CDH12: variants seen among roughly 807,000 people sequenced by gnomAD.
CDH12 encodes the protein cadherin-12.
A neutral mutation model predicts 74.1 loss-of-function variants in CDH12; 41 were observed. The observed-to-expected ratio is 0.55, with a 90% CI of 0.43 to 0.72. CDH12 has a LOEUF of 0.72. Ranked by LOEUF, CDH12 falls within the 30% of genes least tolerant of loss-of-function variation. CDH12 has a pLI of 0.00. For missense variants in CDH12, 945 were observed against 977.2 expected, an observed-to-expected ratio of 0.97 and a Z score of 0.44; for synonymous variants, 399 against 355.0, an observed-to-expected ratio of 1.12 and a Z score of -1.39.
In CDH12 at chr5:22,477,606, T is replaced by C. The variant is rs369594307; in HGVS notation, c.-428+27664A>G. ...ATTCCTTTTGGCATATACTCAGTAA[T>C]GGGATTGCTGGGTCAAATGGTACTT... On this transcript the variant is annotated intron_variant, in intron 2 of 14. Transcript: ENST00000382254. 4.6e-5 allele frequency among the ~76,000 whole-genome samples: 7 copies of C among 152,326 alleles called. No homozygotes were observed. The South Asian group carries it at 6.2e-4, about 14-fold the overall frequency.
intron 1 of CDH12, among the ~76,000 whole-genome samples, chr5:22,793,331 G>C (rs1420662678): frequency 6.6e-6 from 1 of 151,990 alleles, no homozygotes; most frequent in Non-Finnish European, 1.5e-5. Context: ...TTATTTTTCT[G>C]CTATACAAAT....
At chr5:22,394,111 T>A (rs1742357026) in intron 3 of CDH12, among the ~76,000 whole-genome samples, 1 of 152,160 alleles carries the variant, frequency 6.6e-6, no homozygotes, top group Admixed American at 6.6e-5. Context: ...AATTCACTGT[T>A]GGAAACGTGT....
At position 22,182,647 on chromosome 5, in the gene CDH12, C is replaced by T. The variant is rs552034266; in HGVS notation, c.-187+29851G>A. ...AAAAATAGGGAAATATTTTAGGAGGCTATATTAATAGCCCAAGATCCTGCC... is the reference window on the plus strand; with the variant it reads ...AAAAATAGGGAAATATTTTAGGAGGTTATATTAATAGCCCAAGATCCTGCC... On this transcript the variant is annotated intron_variant, in intron 4 of 14. Transcript: ENST00000382254. 7.0e-4 allele frequency among the ~76,000 whole-genome samples: 107 copies of T among 152,206 alleles called. No individual in the cohort carries two copies. In the Middle Eastern group the frequency reaches 0.017, roughly 24 times the overall value.
At chr5:22,033,030 T>G (rs1738929527) in intron 5 of CDH12, among the ~76,000 whole-genome samples, 1 of 134,584 alleles carries the variant, frequency 7.4e-6, no homozygotes, top group South Asian at 2.5e-4. Context: ...ATAAACATCT[T>G]GCTTCCAAAA....
chr5:22,714,510 G>A (rs1043404617), intron 1 of CDH12, among the ~76,000 whole-genome samples: 6 of 152,126 alleles, frequency 3.9e-5, no homozygotes, highest in Non-Finnish European at 7.4e-5. Context: ...CTGATGGCAG[G>A]TCATGAGGAG....
intron 1 of CDH12, among the ~76,000 whole-genome samples, chr5:22,608,523 T>A (rs949040041): frequency 1.3e-5 from 2 of 152,184 alleles, no homozygotes; most frequent in Admixed American, 1.3e-4. Context: ...CTTGGACTTC[T>A]GGGAAGTTAA....
intron 11 of CDH12, among the ~76,000 whole-genome samples, chr5:21,771,618 T>C (rs1452914549): frequency 1.3e-5 from 2 of 152,032 alleles, no homozygotes; most frequent in African/African-American, 4.8e-5. Context: ...CCAAGGCTCT[T>C]ATTATATAGA....
intron 3 of CDH12, among the ~76,000 whole-genome samples, chr5:22,368,885 T>G (rs570052651): frequency 6.6e-6 from 1 of 152,204 alleles, no homozygotes; most frequent in South Asian, 2.1e-4. Flanking sequence ...CGCCTGCACT[T>G]TGGGAGGCCG....
intron 7 of CDH12, among the ~76,000 whole-genome samples, chr5:21,848,320 T>C (rs1210943921): frequency 3.9e-5 from 6 of 152,178 alleles, no homozygotes; most frequent in Admixed American, 3.9e-4. Context: ...TTAAAAACAG[T>C]ATTTTAATGC....
chr5:22,371,413 T>C (rs1741284073), intron 3 of CDH12, among the ~76,000 whole-genome samples: 1 of 152,092 alleles, frequency 6.6e-6, no homozygotes. Flanking sequence ...ATACACAAAG[T>C]GAAAAAGAAA....
At chr5:22,401,805 T>C (rs1387542955) in intron 3 of CDH12, among the ~76,000 whole-genome samples, 1 of 152,070 alleles carries the variant, frequency 6.6e-6, no homozygotes, top group Non-Finnish European at 1.5e-5. Flanking sequence ...AGAGTATCTT[T>C]GTAAGAGACA....
intron 3 of CDH12, among the ~76,000 whole-genome samples, chr5:22,358,497 G>C (rs1740661791): frequency 6.6e-6 from 1 of 152,086 alleles, no homozygotes; most frequent in Non-Finnish European, 1.5e-5. Context: ...TTTCAGTTCT[G>C]TTCTGTGTTT....
rs547253802 is a variant in CDH12, at chr5:22,107,449, T to TA, written c.-186-28588dup. On this transcript the variant is annotated intron_variant, in intron 4 of 14. Coordinates refer to ENST00000382254, the MANE Select transcript of CDH12 (RefSeq NM_004061.5). The stretch of plus-strand genomic sequence containing the variant: ...CTGGGCCTTCTGCTCTTCATATATA[T>TA]ATGTATATGTGTATATACGTATATA... Among the ~76,000 whole-genome samples, 38 of 83,002 alleles carry TA rather than the reference T, an allele frequency of 4.6e-4. No individual in the cohort carries two copies. The East Asian group carries it at 0.011, about 24-fold the overall frequency. 54.5% of individuals were successfully genotyped at this position (83,002 alleles called of 152,430 possible).
intron 6 of CDH12, among the ~76,000 whole-genome samples, chr5:21,973,428 C>T (rs567854294): frequency 6.6e-6 from 1 of 152,302 alleles, no homozygotes; most frequent in East Asian, 1.9e-4. Flanking sequence ...TTCTCACTTA[C>T]CTACACTTTT....
At chr5:21,978,286 G>A (rs1345110502) in intron 5 of CDH12, among the ~76,000 whole-genome samples, 2 of 152,016 alleles carry the variant, frequency 1.3e-5, no homozygotes, top group African/African-American at 4.8e-5. Flanking sequence ...GAACTACAAG[G>A]CGCATGCCAC....
chr5:21,975,098 A>T lies in CDH12; in HGVS notation c.519T>A (p.Ser173=). The part of the protein sequence containing the change: ...GPYVATVPEM[S]PVGAYVLQVK... ...TTTGATTTGCCTACTCACCCACAGG[A>T]GACATTTCTGGAACAGTAGCAACAT... The change falls in exon 6 of 15, where the codon TCT becomes TCA. Residue 173 remains serine, a synonymous_variant. Coordinates refer to ENST00000382254, the MANE Select transcript of CDH12 (RefSeq NM_004061.5). 1.3e-6 allele frequency: 2 copies of T among 1,593,740 alleles called. No homozygotes were observed.
At chr5:22,577,961 A>G (rs920686664) in intron 1 of CDH12, among the ~76,000 whole-genome samples, 15 of 152,220 alleles carry the variant, frequency 9.9e-5, no homozygotes, top group African/African-American at 3.1e-4. Context: ...AAATACTTTC[A>G]TATGTTCAGG....
intron 1 of CDH12, among the ~76,000 whole-genome samples, chr5:22,825,090 A>G (rs918992754): frequency 2.0e-5 from 3 of 152,078 alleles, no homozygotes; most frequent in Non-Finnish European, 2.9e-5. Flanking sequence ...GCATTCATTT[A>G]CCCATTCATT....
intron 3 of CDH12, among the ~76,000 whole-genome samples, chr5:22,279,071 T>A (rs1224950757): frequency 6.6e-6 from 1 of 152,140 alleles, no homozygotes; most frequent in East Asian, 1.9e-4. Context: ...TAATTATAGA[T>A]AAATATTTAC....
Sources: gnomAD v4.1 joint callset for allele counts (sites outside exome capture counted in the v4.1 genomes callset) on GRCh38, gnomAD v4.1.1 for gene constraint, MANE v1.5 for transcripts, NCBI Gene and HGNC (gene_info 2026-07-23, HGNC 2026-07-21) for gene names.